Variants in LRRC9 observed in about 807,000 individuals in gnomAD.
LRRC9 encodes the protein leucine-rich repeat-containing protein 9.
Under a neutral mutation model 63.2 loss-of-function variants are expected in LRRC9, and 122 were observed. That is an observed-to-expected ratio of 1.93 (90% CI 1.67 to 2.24). The LOEUF is 2.24. LRRC9 is among the 30% of genes most tolerant of loss of function. The pLI is 0.00. For missense variants in LRRC9, 1,071 were observed against 627.7 expected, an observed-to-expected ratio of 1.71 and a Z score of -7.55; for synonymous variants, 366 against 213.1, an observed-to-expected ratio of 1.72 and a Z score of -6.25.
rs1483128145 is a variant in LRRC9 at position 60,002,002 on chromosome 14, A to T, written c.2566A>T (p.Arg856Ter). 3 of 699,658 alleles carry T rather than the reference A, an allele frequency of 4.3e-6. No homozygotes were observed. Among genetic ancestry groups the T allele is most frequent in the Non-Finnish European group, 7.8e-6 (3 of 383,604 alleles). The allele number at this position is 699,658 out of a possible 1,614,324, so 43.3% of individuals were successfully genotyped here. ...ACGGCATTCTAGTACTAAAGAGGAG[A>T]GACCACGGATACTTAGTATATGGCC... The change falls in exon 20 of 32, where the codon AGA (arginine) becomes TGA (stop). Residue 856 changes from arginine (R) to a stop codon, truncating the protein, a stop_gained. Coordinates refer to ENST00000445360, the Ensembl canonical transcript of LRRC9. LOFTEE classifies it high-confidence loss of function.
intron 30 of LRRC9, among the ~76,000 whole-genome samples, chr14:60,056,458 T>C (rs1894288417): frequency 6.6e-6 from 1 of 152,184 alleles, no homozygotes; most frequent in Admixed American, 6.5e-5. Context: ...AATGAATACT[T>C]TACTAAAGGG....
intron 1 of LRRC9, among the ~76,000 whole-genome samples, chr14:59,920,806 C>T (rs1470298882): frequency 1.3e-5 from 2 of 152,246 alleles, no homozygotes; most frequent in Non-Finnish European, 2.9e-5. Context: ...TCATGGAGAA[C>T]GATTATGTCT....
Position 60,016,587 on chromosome 14 carries a change from A to T in LRRC9, c.3187-73A>T, listed in dbSNP as rs549733742. On this transcript the variant is annotated intron_variant, in intron 23 of 31. Transcript: ENST00000445360. ...GGAAAAATGAGTCCACTGAATTTTT[A>T]CCTAAAACCAGAGAACTATGTAATT... 3.7e-5 allele frequency: 22 copies of T among 598,520 alleles called. 1 individual carries two copies. The East Asian group carries it at 5.9e-4, about 16-fold the overall frequency. The allele number at this position is 598,520 out of a possible 1,614,324, so 37.1% of individuals were successfully genotyped here. A position where few individuals can be genotyped will look rare whatever the true frequency, so the allele number is the denominator to read the frequency against.
In LRRC9 at chr14:60,030,770, C is replaced by T. The variant is rs573290577; in HGVS notation, c.3922-1225C>T. On this transcript the variant is annotated intron_variant, in intron 28 of 31. Transcript: ENST00000445360. ...CCAATTTCAGGCTAACACACCATCT[C>T]ACAAAATTCCTAAAAATTTACCAAT... Among the ~76,000 whole-genome samples, 3 of 152,092 alleles carry T rather than the reference C, an allele frequency of 2.0e-5. No homozygotes were observed. In the South Asian group the frequency reaches 6.2e-4, roughly 32 times the overall value.
chr14:59,987,717 T>C (rs947458280), intron 17 of LRRC9, among the ~76,000 whole-genome samples: 1 of 152,190 alleles, frequency 6.6e-6, no homozygotes, highest in Non-Finnish European at 1.5e-5. Flanking sequence ...TGATATCTTA[T>C]TGTCTCACTT....
At position 59,931,958 on chromosome 14, in the gene LRRC9, A is replaced by G. The variant is rs148255671; in HGVS notation, c.473-11A>G. 1.3e-5 allele frequency: 9 copies of G among 698,028 alleles called. No homozygotes were observed. The highest frequency in any genetic ancestry group is 5.3e-5 in the African/African-American group (3 of 57,064). The allele number at this position is 698,028 out of a possible 1,614,324, so 43.2% of individuals were successfully genotyped here. A position where few individuals can be genotyped will look rare whatever the true frequency, so the allele number is the denominator to read the frequency against. ...TAAAATAATTGAATTCTTTTCGTCT[A>G]TTTTTTAAAGGTCGATGTCTTGACT... is the stretch of plus-strand genomic sequence containing the variant. On this transcript the variant is annotated splice_polypyrimidine_tract_variant and intron_variant, in intron 5 of 31. Transcript: ENST00000445360.
intron 29 of LRRC9, among the ~76,000 whole-genome samples, chr14:60,040,902 T>A (rs1377183095): frequency 6.6e-6 from 1 of 151,966 alleles, no homozygotes; most frequent in Non-Finnish European, 1.5e-5. Context: ...TGGTACCAGT[T>A]GTTCCTTTCC....
chr14:59,989,947 G>A (rs1308022378), intron 17 of LRRC9, among the ~76,000 whole-genome samples: 3 of 128,684 alleles, frequency 2.3e-5, no homozygotes, highest in African/African-American at 5.9e-5. Context: ...TTTTTTTTGA[G>A]ACGGAATTTC....
intron 23 of LRRC9, among the ~76,000 whole-genome samples, chr14:60,010,557 C>T (rs994031516): frequency 2.6e-5 from 4 of 152,178 alleles, no homozygotes; most frequent in Admixed American, 6.5e-5. Flanking sequence ...ATTCTCTTGG[C>T]GATTTGCATT....
exon 5 of LRRC9, chr14:59,931,651 C>T: frequency 4.3e-6 from 3 of 699,424 alleles, no homozygotes; most frequent in East Asian, 5.4e-5. Context: ...TAAAAGATCT[C>T]AACCTTGCTG....
intron 17 of LRRC9, among the ~76,000 whole-genome samples, chr14:59,989,222 T>C (rs2140137561): frequency 6.6e-6 from 1 of 152,196 alleles, no homozygotes; most frequent in African/African-American, 2.4e-5. Flanking sequence ...TGTTTTAAAT[T>C]TGAATTTTTT....
rs1189905038 is a variant in LRRC9 at position 59,990,235 on chromosome 14, C to CT, written c.2211+5017dup. Among the ~76,000 whole-genome samples, 1 of 151,986 alleles carries CT rather than the reference C, an allele frequency of 6.6e-6. No homozygotes were observed. Among genetic ancestry groups the CT allele is most frequent in the Non-Finnish European group, 1.5e-5 (1 of 67,976 alleles). The stretch of plus-strand genomic sequence containing the variant: ...AGCCGCTGTGCCCAGCCTAGATCTT[C>CT]TTTTTTATTCACCTCTCGTGTCCTT... On this transcript the variant is annotated intron_variant, in intron 17 of 31. Transcript: ENST00000445360. This position sits in a 1 kb window ranked among gnomAD's most constrained non-coding sequence, Gnocchi z 4.2.
chr14:59,927,769 T>A lies in LRRC9; in HGVS notation c.-33-142T>A. On this transcript the variant is annotated intron_variant, in intron 1 of 31. Coordinates refer to ENST00000445360, the Ensembl canonical transcript of LRRC9. The surrounding 1 kb of genome is among the most constrained non-coding windows in gnomAD (Gnocchi z 4.4). ...CTCCTAACAGAAAACTCCCTCAGAG[T>A]TTATACAGATACTTGGTAATATACT... 1 of 390,718 alleles carries A rather than the reference T, an allele frequency of 2.6e-6. No homozygotes were observed. The highest frequency in any genetic ancestry group is 4.5e-6 in the Non-Finnish European group (1 of 220,196). 24.2% of individuals were successfully genotyped at this position (390,718 alleles called of 1,614,324 possible). A position where few individuals can be genotyped will look rare whatever the true frequency, so the allele number is the denominator to read the frequency against.
rs1197223181 is a variant in LRRC9, at chr14:59,923,829, G to T, written c.-34+3946G>T. Among the ~76,000 whole-genome samples the T allele has an allele frequency of 6.6e-6, 1 of 152,106 alleles. No individual in the cohort carries two copies. The highest frequency in any genetic ancestry group is 2.4e-5 in the African/African-American group (1 of 41,422). On this transcript the variant is annotated intron_variant, in intron 1 of 31. Transcript: ENST00000445360. This position sits in a 1 kb window ranked among gnomAD's most constrained non-coding sequence, Gnocchi z 4.2. ...GGTGGCAGGCGCCTATAGTTCCAGC[G>T]ACTCCGAAGGCTGAGGCAGGAGTAT...
In LRRC9 at chr14:60,060,698, G is replaced by A. The variant is rs777231973; in HGVS notation, c.4277-2625G>A. 7.9e-5 allele frequency among the ~76,000 whole-genome samples: 12 copies of A among 152,068 alleles called. No homozygotes were observed. Among genetic ancestry groups the A allele is most frequent in the Non-Finnish European group, 1.3e-4 (9 of 68,014 alleles). On this transcript the variant is annotated intron_variant, in intron 31 of 31. Transcript: ENST00000445360. The surrounding 1 kb of genome is among the most constrained non-coding windows in gnomAD (Gnocchi z 4.0). ...GGAGCTTGCAGTGAACCGAGATCGC[G>A]CCACTGCTCTCCAGCCTGGGTGACA...
chr14:59,949,093 C>T (rs1420468620), intron 8 of LRRC9, among the ~76,000 whole-genome samples: 2 of 107,924 alleles, frequency 1.9e-5, no homozygotes, highest in African/African-American at 3.7e-5. Context: ...GGTACCAGTT[C>T]CTCCTTGTAC....
chr14:60,007,962 AGTAT>A, intron 22 of LRRC9, 126 bp from the exon 23 acceptor site: 3 of 377,714 alleles, frequency 7.9e-6, no homozygotes, highest in Non-Finnish European at 1.4e-5. Flanking sequence ...AAAAAAAAAA[AGTAT>A]ACTTAAAGGC....
intron 8 of LRRC9, among the ~76,000 whole-genome samples, chr14:59,951,606 GT>G (rs1248014405): frequency 6.8e-6 from 1 of 146,694 alleles, no homozygotes; most frequent in Non-Finnish European, 1.5e-5. Context: ...TTTCTGTTCT[GT>G]TTTTTCCCCA....
At chr14:60,048,227 G>T (rs184617945) in intron 29 of LRRC9, among the ~76,000 whole-genome samples, 74 of 152,014 alleles carry the variant, frequency 4.9e-4, no homozygotes, top group African/African-American at 1.5e-3. Flanking sequence ...ACAACCAAAA[G>T]AACTAGAAAC....
Sources: allele counts gnomAD v4.1 joint callset (sites outside exome capture counted in the v4.1 genomes callset), GRCh38; gene constraint gnomAD v4.1.1; non-coding constraint Gnocchi (gnomAD v3.1); transcripts MANE v1.5; gene names NCBI Gene and HGNC (gene_info 2026-07-23, HGNC 2026-07-21).